ADAMTS19: variants seen among roughly 807,000 people sequenced by gnomAD.
The protein encoded by ADAMTS19 is ADAM metallopeptidase with thrombospondin type 1 motif 19, also known as A disintegrin and metalloproteinase with thrombospondin motifs 19.
Under a neutral mutation model 153.3 loss-of-function variants are expected in ADAMTS19, and 93 were observed. The ratio of observed to expected loss-of-function variants is 0.61; its 90% CI spans 0.51 to 0.72. ADAMTS19 has a LOEUF of 0.72. Ranked by LOEUF, ADAMTS19 falls within the 30% of genes least tolerant of loss-of-function variation. The pLI, the probability that ADAMTS19 is intolerant of heterozygous loss-of-function variation, is 0.00. For synonymous variants in ADAMTS19, 600 were observed against 556.6 expected, an observed-to-expected ratio of 1.08 and a Z score of -1.10; for missense variants, 1,482 against 1,552.1, an observed-to-expected ratio of 0.95 and a Z score of 0.76.
At chr5:129,729,717 G>T (rs1757356118) in intron 21 of ADAMTS19, among the ~76,000 whole-genome samples, 1 of 151,894 alleles carries the variant, frequency 6.6e-6, no homozygotes, top group African/African-American at 2.4e-5. Context: ...TTTTATAAAA[G>T]GTGCTATTCA....
intron 6 of ADAMTS19, among the ~76,000 whole-genome samples, chr5:129,547,804 A>G (rs2126812524): frequency 6.6e-6 from 1 of 151,044 alleles, no homozygotes; most frequent in East Asian, 1.9e-4. Context: ...CCAAAACAGC[A>G]TGGTACTGCT....
chr5:129,589,196 T>C (rs574529013), intron 7 of ADAMTS19, among the ~76,000 whole-genome samples: 14 of 151,628 alleles, frequency 9.2e-5, no homozygotes, highest in African/African-American at 2.7e-4. Flanking sequence ...AACTTAGACA[T>C]TATTATTACT....
intron 14 of ADAMTS19, among the ~76,000 whole-genome samples, chr5:129,655,635 CACACACAT>C (rs1359067598): frequency 6.6e-6 from 1 of 151,980 alleles, no homozygotes; most frequent in African/African-American, 2.4e-5. Flanking sequence ...CACAACTGAA[CACACACAT>C]ACACACATAC....
chr5:129,539,331 C>A (rs1186336553), intron 6 of ADAMTS19, among the ~76,000 whole-genome samples: 1 of 152,034 alleles, frequency 6.6e-6, no homozygotes. Flanking sequence ...GCTATAAACC[C>A]AGTTTTGCAG....
intron 2 of ADAMTS19, among the ~76,000 whole-genome samples, chr5:129,479,842 C>T (rs1750350531): frequency 6.6e-6 from 1 of 151,922 alleles, no homozygotes; most frequent in South Asian, 2.1e-4. Context: ...GAGATACATA[C>T]AAAGCTCATG....
At chr5:129,644,232 C>A (rs1177540238) in intron 11 of ADAMTS19, among the ~76,000 whole-genome samples, 2 of 152,106 alleles carry the variant, frequency 1.3e-5, no homozygotes, top group Non-Finnish European at 2.9e-5. Context: ...AACTAATGAA[C>A]CTCTCAGTTT....
intron 16 of ADAMTS19, among the ~76,000 whole-genome samples, chr5:129,668,873 C>CA (rs1212724444): frequency 6.6e-6 from 1 of 151,932 alleles, no homozygotes; most frequent in African/African-American, 2.4e-5. Context: ...TGAAGGAATA[C>CA]AAAAAACCAT....
chr5:129,595,469 C>A (rs1418759746), intron 7 of ADAMTS19, among the ~76,000 whole-genome samples: 1 of 151,958 alleles, frequency 6.6e-6, no homozygotes, highest in Non-Finnish European at 1.5e-5. Flanking sequence ...TAAATTATTT[C>A]TTACCATTAT....
At chr5:129,474,902 G>A (rs930227373) in intron 2 of ADAMTS19, among the ~76,000 whole-genome samples, 1 of 152,152 alleles carries the variant, frequency 6.6e-6, no homozygotes, top group African/African-American at 2.4e-5. Flanking sequence ...TTGGTGAAAT[G>A]TCTACTCAAA....
At chr5:129,544,097 C>A (rs59381346) in intron 6 of ADAMTS19, among the ~76,000 whole-genome samples, 10,119 of 152,120 alleles carry the variant, frequency 0.067, 578 homozygotes, top group African/African-American at 0.16. Context: ...AAACAGAGAA[C>A]AATTTTAATA....
Position 129,482,382 on chromosome 5 carries a change from T to C in ADAMTS19, c.747+20625T>C, listed in dbSNP as rs181402218. ...GTCAATGAAATTCTCTTATAAGGAG[T>C]CAGTTTGAATTACCACCTTCCTCTT... On this transcript the variant is annotated intron_variant, in intron 2 of 22. Coordinates refer to ENST00000274487, the MANE Select transcript of ADAMTS19 (RefSeq NM_133638.6). Among the ~76,000 whole-genome samples, 734 of 152,074 alleles carry C rather than the reference T, an allele frequency of 4.8e-3. 4 individuals are homozygous for C. The highest frequency in any genetic ancestry group is 6.8e-3 in the Non-Finnish European group (461 of 67,992).
At chr5:129,671,699 A>G (rs1356285276) in intron 16 of ADAMTS19, among the ~76,000 whole-genome samples, 2 of 151,148 alleles carry the variant, frequency 1.3e-5, no homozygotes, top group South Asian at 4.1e-4. Flanking sequence ...TGCAATTATT[A>G]TTTGCTTTTC....
rs115961228 is a variant in ADAMTS19, at chr5:129,478,419, C to T, written c.747+16662C>T. On this transcript the variant is annotated intron_variant, in intron 2 of 22. Transcript: ENST00000274487. ...AAACATATATGAAATAATTAAACAG[C>T]TTTCTATATTATGTCAGTGGTGGAT... Among the ~76,000 whole-genome samples, 1,125 of 152,234 alleles carry T rather than the reference C, an allele frequency of 7.4e-3. 18 individuals are homozygous for T. Among genetic ancestry groups the T allele is most frequent in the African/African-American group, 0.026 (1,063 of 41,550 alleles).
intron 2 of ADAMTS19, among the ~76,000 whole-genome samples, chr5:129,489,011 T>C (rs1048460526): frequency 2.0e-5 from 3 of 152,130 alleles, no homozygotes; most frequent in Admixed American, 6.5e-5. Context: ...TTTGAAATCT[T>C]CCATCTTATC....
intron 2 of ADAMTS19, among the ~76,000 whole-genome samples, chr5:129,493,741 C>T (rs1750843281): frequency 6.6e-6 from 1 of 152,044 alleles, no homozygotes; most frequent in Non-Finnish European, 1.5e-5. Flanking sequence ...TTATTAATTC[C>T]TTCAATGAAG....
intron 22 of ADAMTS19, among the ~76,000 whole-genome samples, chr5:129,736,145 G>A (rs775475370): frequency 6.6e-6 from 1 of 151,970 alleles, no homozygotes; most frequent in African/African-American, 2.4e-5. Context: ...TAGAGCAGAT[G>A]TACTAAATCC....
chr5:129,635,110 G>A (rs55759950), intron 10 of ADAMTS19, among the ~76,000 whole-genome samples: 5,784 of 152,150 alleles, frequency 0.038, 343 homozygotes, highest in African/African-American at 0.13. Context: ...GTGGGCAAAG[G>A]ACGTTAACAG....
chr5:129,604,891 C>T (rs1272715759), intron 8 of ADAMTS19, among the ~76,000 whole-genome samples: 7 of 152,148 alleles, frequency 4.6e-5, no homozygotes, highest in Non-Finnish European at 8.8e-5. Context: ...AGTGTTGCCC[C>T]TGAAGTCTTC....
intron 6 of ADAMTS19, among the ~76,000 whole-genome samples, chr5:129,533,507 G>A (rs1282679252): frequency 1.3e-5 from 2 of 152,088 alleles, no homozygotes; most frequent in Non-Finnish European, 2.9e-5. Flanking sequence ...AGTCTTGCGA[G>A]TGGTCTATCA....
Sources: gnomAD v4.1 joint callset for allele counts (sites outside exome capture counted in the v4.1 genomes callset) on GRCh38, gnomAD v4.1.1 for gene constraint, MANE v1.5 for transcripts, NCBI Gene and HGNC (gene_info 2026-07-23, HGNC 2026-07-21) for gene names.